The following NXPE2 variants were observed in gnomAD, a reference collection of about 807,000 sequenced individuals.
The protein encoded by NXPE2 is neurexophilin and PC-esterase domain family member 2, also known as NXPE family member 2.
NXPE2 carries 34 observed loss-of-function variants against 34.4 expected under a neutral mutation model. The ratio of observed to expected loss-of-function variants is 0.99; its 90% CI spans 0.75 to 1.31. The LOEUF (loss-of-function observed/expected upper bound fraction) is 1.31. Ranked by LOEUF, NXPE2 falls within the 40% of genes most tolerant of loss-of-function variation. NXPE2 has a pLI of 0.00. For synonymous variants in NXPE2, 235 were observed against 231.3 expected (o/e 1.02, Z -0.15); for missense variants, 649 against 672.5 (o/e 0.97, Z 0.39).
the NXPE2 span, among the ~76,000 whole-genome samples, chr11:114,637,774 G>C: frequency 2.6e-5 from 4 of 151,852 alleles, no homozygotes; most frequent in South Asian, 2.1e-4. Context: ...TTCTCTTTAA[G>C]AATGTTGAAT....
At chr11:114,750,773 T>C in the NXPE2 span, among the ~76,000 whole-genome samples, 1 of 152,358 alleles carries the variant, frequency 6.6e-6, no homozygotes, top group East Asian at 1.9e-4. Flanking sequence ...TAGCCTCTGA[T>C]ATTAGTTGTC....
the NXPE2 span, among the ~76,000 whole-genome samples, chr11:114,538,674 C>A: frequency 6.6e-6 from 1 of 152,100 alleles, no homozygotes. Context: ...CCAAAAAACA[C>A]GTGAAAAAAT....
chr11:114,498,413 T>C, the NXPE2 span, among the ~76,000 whole-genome samples: 1 of 152,106 alleles, frequency 6.6e-6, no homozygotes, highest in Non-Finnish European at 1.5e-5. Context: ...GTATATCACA[T>C]GTACTACATA....
chr11:114,754,806 G>A, the NXPE2 span, among the ~76,000 whole-genome samples: 1 of 152,182 alleles, frequency 6.6e-6, no homozygotes, highest in South Asian at 2.1e-4. Flanking sequence ...GCAATGCCTG[G>A]ATTAACTCTT....
At chr11:114,527,596 A>G in the NXPE2 span, among the ~76,000 whole-genome samples, 1 of 152,198 alleles carries the variant, frequency 6.6e-6, no homozygotes, top group African/African-American at 2.4e-5. Flanking sequence ...CTAGGAGATG[A>G]ACTCTCAGGT....
At chr11:114,481,752 G>A in the NXPE2 span, among the ~76,000 whole-genome samples, 1 of 152,090 alleles carries the variant, frequency 6.6e-6, no homozygotes, top group Non-Finnish European at 1.5e-5. Context: ...AATTCTGTCT[G>A]TTGGCAAATT....
the NXPE2 span, among the ~76,000 whole-genome samples, chr11:114,786,468 T>C: frequency 2.0e-5 from 3 of 150,912 alleles, no homozygotes; most frequent in African/African-American, 7.3e-5. Context: ...CGGATATTTG[T>C]TTGCTGACCT....
At chr11:114,702,685 T>C (rs956645306) in intron 3 of NXPE2, among the ~76,000 whole-genome samples, 1 of 152,146 alleles carries the variant, frequency 6.6e-6, no homozygotes, top group Non-Finnish European at 1.5e-5. Flanking sequence ...ACATATCCAG[T>C]TGAATTGCAG....
chr11:114,522,633 G>A, the NXPE2 span: 2 of 796,292 alleles, frequency 2.5e-6, no homozygotes, highest in Non-Finnish European at 3.9e-6. Context: ...ACTCTCTAGG[G>A]TACAGTACCC....
At chr11:114,634,266 G>A in the NXPE2 span, among the ~76,000 whole-genome samples, 35 of 151,484 alleles carry the variant, frequency 2.3e-4, no homozygotes, top group Non-Finnish European at 3.2e-4. Flanking sequence ...GTCTTCTTTT[G>A]AGAAGTGTCT....
chr11:114,687,270 A>G (rs574477236), intron 2 of NXPE2, among the ~76,000 whole-genome samples: 1 of 152,166 alleles, frequency 6.6e-6, no homozygotes, highest in East Asian at 1.9e-4. Flanking sequence ...TCTTTAACCC[A>G]TTTTGAGTTA....
chr11:114,806,284 G>T, the NXPE2 span, among the ~76,000 whole-genome samples: 2 of 152,174 alleles, frequency 1.3e-5, no homozygotes, highest in African/African-American at 4.8e-5. Flanking sequence ...AAAAATCAGA[G>T]CGCCTCTCCT....
the NXPE2 span, among the ~76,000 whole-genome samples, chr11:114,665,782 A>C: frequency 6.6e-6 from 1 of 152,178 alleles, no homozygotes; most frequent in Non-Finnish European, 1.5e-5. Context: ...GTGCAGGTTT[A>C]AAGTTTCTCC....
At chr11:114,614,976 G>A in the NXPE2 span, among the ~76,000 whole-genome samples, 2 of 149,970 alleles carry the variant, frequency 1.3e-5, no homozygotes, top group African/African-American at 2.5e-5. Flanking sequence ...GTATTGCCTC[G>A]TGAGTAACCA....
At chr11:114,544,597 A>T in the NXPE2 span, among the ~76,000 whole-genome samples, 1 of 152,204 alleles carries the variant, frequency 6.6e-6, no homozygotes, top group Non-Finnish European at 1.5e-5. Flanking sequence ...GACAGACCTA[A>T]ATAAATATAA....
chr11:114,611,281 G>A, the NXPE2 span, among the ~76,000 whole-genome samples: 3 of 151,354 alleles, frequency 2.0e-5, no homozygotes, highest in Non-Finnish European at 4.4e-5. Flanking sequence ...TTACCCTGTC[G>A]ATAATAAGTG....
chr11:114,492,029 C>T, the NXPE2 span, among the ~76,000 whole-genome samples: 7 of 151,582 alleles, frequency 4.6e-5, no homozygotes, highest in African/African-American at 1.5e-4. Context: ...GGAGGGGGGA[C>T]GGATAGCATT....
chr11:114,749,280 C>T, the NXPE2 span, among the ~76,000 whole-genome samples: 1 of 152,066 alleles, frequency 6.6e-6, no homozygotes, highest in African/African-American at 2.4e-5. Context: ...TATATCTAAT[C>T]CATTATGCAT....
At chr11:114,640,988 A>G in the NXPE2 span, among the ~76,000 whole-genome samples, 4 of 152,074 alleles carry the variant, frequency 2.6e-5, no homozygotes, top group African/African-American at 7.2e-5. Context: ...ATTAAGTGTA[A>G]TCAACATCAT....
Sources: allele counts gnomAD v4.1 joint callset (sites outside exome capture counted in the v4.1 genomes callset), GRCh38; gene constraint gnomAD v4.1.1; transcripts MANE v1.5; gene names NCBI Gene and HGNC (gene_info 2026-07-23, HGNC 2026-07-21).